Variants in COPS4 observed in about 807,000 individuals in gnomAD.
COPS4 encodes the protein COP9 signalosome complex subunit 4.
COPS4 carries 8 observed loss-of-function variants against 55.1 expected under a neutral mutation model. That is an observed-to-expected ratio of 0.15 (90% CI 0.09 to 0.26). The LOEUF (loss-of-function observed/expected upper bound fraction) is 0.26. Among genes scored for constraint, COPS4 ranks in the 10% least tolerant of loss-of-function variants. The pLI, the probability that COPS4 is intolerant of heterozygous loss-of-function variation, is 1.00. For synonymous variants in COPS4, 185 were observed against 165.7 expected, an observed-to-expected ratio of 1.12 and a Z score of -0.90; for missense variants, 248 against 484.0, an observed-to-expected ratio of 0.51 and a Z score of 4.58.
At chr4:83,062,642 C>G (rs1297290626) in intron 6 of COPS4, among the ~76,000 whole-genome samples, 1 of 152,196 alleles carries the variant, frequency 6.6e-6, no homozygotes, top group Non-Finnish European at 1.5e-5. Context: ...AAATGGCACC[C>G]AGCCATAGTG....
At position 83,057,383 on chromosome 4, in the gene COPS4, G is replaced by A; in HGVS notation, c.690G>A (p.Leu230=). 1 of 1,604,390 alleles carries A rather than the reference G, an allele frequency of 6.2e-7. No individual in the cohort carries two copies. The highest frequency in any genetic ancestry group is 8.5e-7 in the Non-Finnish European group (1 of 1,176,714). ...SERLEALKHA[L]HCTILASAGQ... ...GACTAGAGGCCTTAAAACATGCTTTGCACTGTACGATCTTAGCATCAGCAG... is the reference window on the plus strand; with the variant it reads ...GACTAGAGGCCTTAAAACATGCTTTACACTGTACGATCTTAGCATCAGCAG... The change falls in exon 6 of 10, where the codon TTG becomes TTA. Residue 230 remains leucine (L), a synonymous_variant. Transcript: ENST00000264389.
At chr4:83,056,378 G>C (rs1156537023) in intron 4 of COPS4, among the ~76,000 whole-genome samples, 1 of 152,074 alleles carries the variant, frequency 6.6e-6, no homozygotes, top group Non-Finnish European at 1.5e-5. Flanking sequence ...CCCTAAACTG[G>C]GCAGTTGTTC....
chr4:83,061,254 A>C (rs2126132789), intron 6 of COPS4, among the ~76,000 whole-genome samples: 1 of 152,226 alleles, frequency 6.6e-6, no homozygotes, highest in South Asian at 2.1e-4. Flanking sequence ...ATACAGCTTG[A>C]TGAATTTTCA....
In COPS4 at chr4:83,075,490, C is replaced by T. The variant is rs1000525789; in HGVS notation, c.*60C>T. 2 of 1,591,338 alleles carry T rather than the reference C, an allele frequency of 1.3e-6. No homozygotes were observed. The highest frequency in any genetic ancestry group is 1.7e-6 in the Non-Finnish European group (2 of 1,163,944). On this transcript the variant is annotated 3_prime_UTR_variant, in exon 10 of 10. Coordinates refer to ENST00000264389, the MANE Select transcript of COPS4 (RefSeq NM_016129.3). ...TTCCATGTTGTGCAGATCAGTTTCA[C>T]TATCTCCAAAGCATTTGCATCATGA...
At chr4:83,056,403 G>A (rs1470864861) in intron 4 of COPS4, among the ~76,000 whole-genome samples, 2 of 152,128 alleles carry the variant, frequency 1.3e-5, no homozygotes, top group Non-Finnish European at 2.9e-5. Context: ...AAGATCTTTA[G>A]CTTGTGAGAT....
intron 9 of COPS4, among the ~76,000 whole-genome samples, chr4:83,069,172 G>T (rs913844430): frequency 6.6e-6 from 1 of 152,134 alleles, no homozygotes; most frequent in African/African-American, 2.4e-5. Flanking sequence ...GAGGCAGACA[G>T]GTAAGTGGAT....
At chr4:83,058,524 T>C (rs1560440511) in intron 6 of COPS4, among the ~76,000 whole-genome samples, 2 of 152,238 alleles carry the variant, frequency 1.3e-5, no homozygotes, top group Non-Finnish European at 2.9e-5. Context: ...CATTCCATTT[T>C]ATTCTTTATA....
At position 83,057,404 on chromosome 4, in the gene COPS4, A is replaced by G. The variant is rs1277531487; in HGVS notation, c.711A>G (p.Ser237=). ...CTTTGCACTGTACGATCTTAGCATCAGCAGGTAAACACGTAATAATTTATA... is the reference window on the plus strand; with the variant it reads ...CTTTGCACTGTACGATCTTAGCATCGGCAGGTAAACACGTAATAATTTATA... The part of the protein sequence containing the change: ...KHALHCTILA[S]AGQQRSRMLA... The change falls in exon 6 of 10, where the codon TCA becomes TCG. Residue 237 remains serine (S), a synonymous_variant. Transcript: ENST00000264389. 2.5e-6 allele frequency: 4 copies of G among 1,574,784 alleles called. No homozygotes were observed. The highest frequency in any genetic ancestry group is 3.4e-6 in the Non-Finnish European group (4 of 1,162,548).
chr4:83,072,199 C>T (rs1282666224), intron 9 of COPS4, among the ~76,000 whole-genome samples: 1 of 152,162 alleles, frequency 6.6e-6, no homozygotes, highest in Non-Finnish European at 1.5e-5. Flanking sequence ...ATTCTCCTGC[C>T]TCAGCCTCCC....
chr4:83,040,333 C>T lies in COPS4; in HGVS notation c.74+5035C>T, dbSNP rs150306184. Among the ~76,000 whole-genome samples, 285 of 152,200 alleles carry T rather than the reference C, an allele frequency of 1.9e-3. 2 individuals are homozygous for T. Among genetic ancestry groups the T allele is most frequent in the African/African-American group, 6.5e-3 (271 of 41,526 alleles). On this transcript the variant is annotated intron_variant, in intron 1 of 9. Coordinates refer to ENST00000264389, the MANE Select transcript of COPS4 (RefSeq NM_016129.3). The stretch of plus-strand genomic sequence containing the variant: ...TCAGTATTTGACGTTTTGGTTGTTG[C>T]GATTGTCTGTTGCTTTTGTTGATTC...
chr4:83,052,068 A>T (rs1308679627), intron 4 of COPS4, among the ~76,000 whole-genome samples: 1 of 152,164 alleles, frequency 6.6e-6, no homozygotes, highest in East Asian at 1.9e-4. Context: ...TGATAACCTT[A>T]ACCAGCTGAG....
intron 9 of COPS4, among the ~76,000 whole-genome samples, chr4:83,074,937 G>GT (rs1731535287): frequency 1.3e-5 from 2 of 151,918 alleles, no homozygotes; most frequent in African/African-American, 2.4e-5. Flanking sequence ...CCTGGCCAAG[G>GT]TGGTGAAACC....
intron 4 of COPS4, among the ~76,000 whole-genome samples, chr4:83,054,428 G>A (rs1341722455): frequency 6.6e-6 from 1 of 152,134 alleles, no homozygotes; most frequent in African/African-American, 2.4e-5. Context: ...TTCTTTTTTT[G>A]TTCTTCATTA....
intron 1 of COPS4, among the ~76,000 whole-genome samples, chr4:83,044,444 CAAA>C (rs35654094): frequency 1.0e-4 from 6 of 59,950 alleles, no homozygotes; most frequent in Middle Eastern, 0.014. Context: ...GACTCCATCT[CAAA>C]AAAAAAAAAA....
At chr4:83,061,609 T>A (rs200178989) in intron 6 of COPS4, among the ~76,000 whole-genome samples, 2 of 152,232 alleles carry the variant, frequency 1.3e-5, no homozygotes, top group South Asian at 2.1e-4. Context: ...TGAACATTCT[T>A]GTATATTTGA....
intron 1 of COPS4, 108 bp from the exon 2 acceptor site, chr4:83,045,518 G>A: frequency 1.2e-6 from 1 of 800,266 alleles, no homozygotes; most frequent in Non-Finnish European, 2.0e-6. Context: ...ACAAACTATA[G>A]TACTATGAAA....
Position 83,066,438 on chromosome 4 carries a change from G to A in COPS4, c.887G>A (p.Gly296Asp). 1.4e-6 allele frequency: 2 copies of A among 1,476,270 alleles called. No homozygotes were observed. Among genetic ancestry groups the A allele is most frequent in the Non-Finnish European group, 1.8e-6 (2 of 1,083,936 alleles). 91.4% of individuals were successfully genotyped at this position (1,476,270 alleles called of 1,614,324 possible). ...MPHQKATTADGSSILDRAVIE... is the reference protein window; with the variant it reads ...MPHQKATTADDSSILDRAVIE... Reference sequence around the variant, plus strand: ...TGTAACTGTCTTATTTATGTTTAAGGTTCCAGCATCTTGGACAGAGCTGTT... The same window carrying A: ...TGTAACTGTCTTATTTATGTTTAAGATTCCAGCATCTTGGACAGAGCTGTT... The change falls in exon 8 of 10, where the codon GGT (glycine) becomes GAT (aspartate). Residue 296 changes from glycine to aspartate, a missense_variant and splice_region_variant. Gly to Asp is a moderately conservative substitution (Grantham distance 94). Transcript: ENST00000264389.
In COPS4 at chr4:83,056,946, A is replaced by G. The variant is rs1158870043; in HGVS notation, c.431A>G (p.Lys144Arg). Residue 144 changes from lysine (K) to arginine (R), a missense_variant, in exon 5 of 10, where the codon AAA (lysine) becomes AGA (arginine). This residue lies in a region of COPS4 where 155 missense variants were observed against 326.6 expected (regional missense o/e 0.47). Coordinates refer to ENST00000264389, the MANE Select transcript of COPS4 (RefSeq NM_016129.3). ...TGQKQYNVDY[K>R]LETYLKIARL... ...CCTAGACAGTACAATGTAGATTATAAACTGGAGACTTACTTGAAGATTGCT... is the reference window on the plus strand; with the variant it reads ...CCTAGACAGTACAATGTAGATTATAGACTGGAGACTTACTTGAAGATTGCT... 6.2e-7 allele frequency: 1 copy of G among 1,613,096 alleles called. No individual in the cohort carries two copies. The highest frequency in any genetic ancestry group is 2.2e-5 in the East Asian group (1 of 44,866).
intron 1 of COPS4, among the ~76,000 whole-genome samples, chr4:83,037,772 A>G (rs1220571039): frequency 6.6e-6 from 1 of 152,204 alleles, no homozygotes; most frequent in East Asian, 1.9e-4. Flanking sequence ...TAAAACATCA[A>G]TACTGTGTGT....
Sources: allele counts gnomAD v4.1 joint callset (sites outside exome capture counted in the v4.1 genomes callset), GRCh38; gene constraint gnomAD v4.1.1; regional missense constraint gnomAD v4.1.1; transcripts MANE v1.5; gene names NCBI Gene and HGNC (gene_info 2026-07-23, HGNC 2026-07-21).